The following HSPA4L variants were observed in gnomAD, a reference collection of about 807,000 sequenced individuals.
The protein encoded by HSPA4L is heat shock protein family A (Hsp70) member 4 like.
Under a neutral mutation model 100.3 loss-of-function variants are expected in HSPA4L, and 48 were observed. The ratio of observed to expected loss-of-function variants is 0.48; its 90% CI spans 0.38 to 0.61. The LOEUF (loss-of-function observed/expected upper bound fraction) is 0.61, where lower values mean the gene tolerates loss of function less well. HSPA4L is among the 20% of genes least tolerant of loss of function. HSPA4L has a pLI of 0.00. For synonymous variants in HSPA4L, 319 were observed against 328.2 expected (o/e 0.97, Z 0.30); for missense variants, 886 against 988.6 (o/e 0.90, Z 1.39).
chr4:127,826,815 A>G (rs531498365), intron 16 of HSPA4L, among the ~76,000 whole-genome samples: 4 of 152,288 alleles, frequency 2.6e-5, no homozygotes, highest in South Asian at 2.1e-4. Flanking sequence ...CATGTAGGGG[A>G]AAAACCTACA....
chr4:127,786,515 G>A (rs113181526), intron 1 of HSPA4L, among the ~76,000 whole-genome samples: 8 of 152,126 alleles, frequency 5.3e-5, no homozygotes, highest in South Asian at 2.1e-4. Context: ...GCCCAGGCTG[G>A]AGTACAGTGG....
intron 14 of HSPA4L, among the ~76,000 whole-genome samples, chr4:127,822,262 C>T (rs1733833660): frequency 6.6e-6 from 1 of 152,186 alleles, no homozygotes; most frequent in African/African-American, 2.4e-5. Flanking sequence ...TGGGATTATA[C>T]AATGCTTGTC....
At position 127,811,436 on chromosome 4, in the gene HSPA4L, G is replaced by A. The variant is rs776777258; in HGVS notation, c.1379-1G>A. The A allele has an allele frequency of 6.2e-7, 1 of 1,611,258 alleles. No individual in the cohort carries two copies. Among genetic ancestry groups the A allele is most frequent in the Non-Finnish European group, 8.5e-7 (1 of 1,178,504 alleles). On this transcript the variant is annotated splice_acceptor_variant, in intron 11 of 18. Transcript: ENST00000296464. LOFTEE classifies it high-confidence loss of function. ...CTGATTGGAGTTCTTTTTTCCTTAA[G>A]GGAGCTTCACTATTCAGAATGTTTT...
At chr4:127,803,593 T>A in intron 6 of HSPA4L, 36 bp from the exon 7 acceptor site, 1 of 1,478,962 alleles carries the variant, frequency 6.8e-7, no homozygotes, top group Non-Finnish European at 9.0e-7. Context: ...GAATCTATAT[T>A]TCTGAAAATA....
In HSPA4L at chr4:127,782,506, G is replaced by A. The variant is rs745986591; in HGVS notation, c.-45G>A. On this transcript the variant is annotated 5_prime_UTR_variant, in exon 1 of 19. Transcript: ENST00000296464. ...TAGCCCAGAAGAGGACACGGTTCCC[G>A]TACCGAAGGGTTCAGTACCAGCAGC... 1 of 1,507,904 alleles carries A rather than the reference G, an allele frequency of 6.6e-7. No homozygotes were observed. Among genetic ancestry groups the A allele is most frequent in the African/African-American group, 1.4e-5 (1 of 72,780 alleles). 93.4% of individuals were successfully genotyped at this position (1,507,904 alleles called of 1,614,324 possible).
intron 1 of HSPA4L, among the ~76,000 whole-genome samples, chr4:127,784,551 G>GA (rs1732658937): frequency 6.6e-6 from 1 of 152,246 alleles, no homozygotes; most frequent in African/African-American, 2.4e-5. Context: ...ATCTAAACTA[G>GA]AAAGTTCTTA....
At chr4:127,791,788 C>T (rs1338558684) in intron 1 of HSPA4L, among the ~76,000 whole-genome samples, 1 of 152,150 alleles carries the variant, frequency 6.6e-6, no homozygotes, top group Non-Finnish European at 1.5e-5. Context: ...TAAGCCTTTC[C>T]TGACTCTCCT....
rs1013228635 is a variant in HSPA4L at position 127,820,276 on chromosome 4, A to T, written c.1675-152A>T. 6.9e-6 allele frequency: 4 copies of T among 578,428 alleles called. No individual in the cohort carries two copies. In the South Asian group the frequency reaches 1.3e-4, roughly 19 times the overall value. The allele number at this position is 578,428 out of a possible 1,614,324, so 35.8% of individuals were successfully genotyped here. On this transcript the variant is annotated intron_variant, in intron 13 of 18. Transcript: ENST00000296464. ...TTTAATATAGAAACTAGGATTTAAC[A>T]TACACAGACTACAAAATAACATCAG...
chr4:127,830,923 T>C, intron 18 of HSPA4L, 124 bp downstream of exon 18: 1 of 604,058 alleles, frequency 1.7e-6, no homozygotes, highest in Admixed American at 4.1e-5. Context: ...ACTAATTTTT[T>C]ATTTAGTTAA....
chr4:127,791,474 A>G (rs1732873333), intron 1 of HSPA4L, among the ~76,000 whole-genome samples: 1 of 152,264 alleles, frequency 6.6e-6, no homozygotes, highest in Non-Finnish European at 1.5e-5. Flanking sequence ...TTTGCACTTT[A>G]TATAAGCACA....
intron 4 of HSPA4L, among the ~76,000 whole-genome samples, chr4:127,800,288 G>A (rs184166843): frequency 1.5e-3 from 224 of 152,098 alleles, no homozygotes; most frequent in Middle Eastern, 3.4e-3. Flanking sequence ...AGTGAGACCC[G>A]TCTCTACAGT....
Position 127,782,454 on chromosome 4 carries a change from T to TG in HSPA4L, c.-95dup, listed in dbSNP as rs1463349533. ...CTTGGGGTCCCCTCTCGTTTGCTTCTGGTAGGAGTCGCAATCCCAGCAGCA... is the reference window on the plus strand; with the variant it reads ...CTTGGGGTCCCCTCTCGTTTGCTTCTGGGTAGGAGTCGCAATCCCAGCAGCA... On this transcript the variant is annotated 5_prime_UTR_variant, in exon 1 of 19. Transcript: ENST00000296464. 1.0e-6 allele frequency: 1 copy of TG among 979,530 alleles called. No homozygotes were observed. The highest frequency in any genetic ancestry group is 1.4e-5 in the South Asian group (1 of 73,244). 60.7% of individuals were successfully genotyped at this position (979,530 alleles called of 1,614,324 possible).
intron 12 of HSPA4L, among the ~76,000 whole-genome samples, chr4:127,817,367 C>G (rs111930587): frequency 1.2e-4 from 18 of 152,100 alleles, no homozygotes; most frequent in African/African-American, 3.9e-4. Flanking sequence ...AAAATTAGCT[C>G]CTCTTTGGCA....
intron 1 of HSPA4L, among the ~76,000 whole-genome samples, chr4:127,785,225 G>A (rs115001968): frequency 0.026 from 4,017 of 152,068 alleles, 144 homozygotes; most frequent in African/African-American, 0.087. Flanking sequence ...AGTTGAAGAG[G>A]GAGAGAGAAA....
At chr4:127,803,000 T>C (rs1733235933) in intron 6 of HSPA4L, among the ~76,000 whole-genome samples, 1 of 152,176 alleles carries the variant, frequency 6.6e-6, no homozygotes, top group South Asian at 2.1e-4. Flanking sequence ...TGTTTGGTCC[T>C]ATGTTTTCAA....
At chr4:127,786,493 T>C (rs1451760596) in intron 1 of HSPA4L, among the ~76,000 whole-genome samples, 1 of 152,172 alleles carries the variant, frequency 6.6e-6, no homozygotes, top group Non-Finnish European at 1.5e-5. Flanking sequence ...TGACACAGGG[T>C]CTTGGTCTGT....
chr4:127,787,269 A>G (rs1325151954), intron 1 of HSPA4L, among the ~76,000 whole-genome samples: 3 of 152,202 alleles, frequency 2.0e-5, no homozygotes, highest in Non-Finnish European at 4.4e-5. Context: ...AACTGTGGCT[A>G]TAATAGATGG....
Position 127,830,764 on chromosome 4 carries a change from G to C in HSPA4L, c.2293G>C (p.Val765Leu). The change falls in exon 18 of 19, where the codon GTG becomes CTG. Residue 765 changes from valine (V) to leucine (L), a missense_variant. By Grantham distance (32) the Val-to-Leu change is conservative. Transcript: ENST00000296464. Reference protein sequence around the residue: ...QNKLSLTQDPVVKVSEIVAKS... With the variant: ...QNKLSLTQDPLVKVSEIVAKS... ...CAAACTAAGTCTCACTCAAGATCCT[G>C]TGGTAAAAGTTTCAGAAATAGTAGC... 3 of 1,595,488 alleles carry C rather than the reference G, an allele frequency of 1.9e-6. No individual in the cohort carries two copies. Among genetic ancestry groups the C allele is most frequent in the South Asian group, 1.2e-5 (1 of 86,938 alleles).
At chr4:127,793,834 T>C (rs914016708) in intron 1 of HSPA4L, among the ~76,000 whole-genome samples, 1 of 152,142 alleles carries the variant, frequency 6.6e-6, no homozygotes, top group Admixed American at 6.5e-5. Flanking sequence ...AAAAACAATT[T>C]TGGAGATCAA....
Sources: gnomAD v4.1 joint callset for allele counts (sites outside exome capture counted in the v4.1 genomes callset) on GRCh38, gnomAD v4.1.1 for gene constraint, MANE v1.5 for transcripts, NCBI Gene and HGNC (gene_info 2026-07-23, HGNC 2026-07-21) for gene names.